CHST11: variants seen among roughly 807,000 people sequenced by gnomAD.
The protein encoded by CHST11 is C4S-1.
A neutral mutation model predicts 30.4 loss-of-function variants in CHST11; 9 were observed. That is an observed-to-expected ratio of 0.30 (90% CI 0.18 to 0.52). CHST11 has a LOEUF of 0.52. Among genes scored for constraint, CHST11 ranks in the 20% least tolerant of loss-of-function variants. The pLI is 0.97. For synonymous variants in CHST11, 152 were observed against 187.8 expected, an observed-to-expected ratio of 0.81 and a Z score of 1.56; for missense variants, 348 against 460.6, an observed-to-expected ratio of 0.76 and a Z score of 2.24.
chr12:104,694,716 C>G (rs1238680880), intron 2 of CHST11, among the ~76,000 whole-genome samples: 2 of 152,164 alleles, frequency 1.3e-5, no homozygotes, highest in African/African-American at 4.8e-5. Flanking sequence ...GATGGAAACT[C>G]TTTGAACTCC....
At chr12:104,582,965 A>G (rs1209738114) in intron 1 of CHST11, among the ~76,000 whole-genome samples, 1 of 151,960 alleles carries the variant, frequency 6.6e-6, no homozygotes, top group African/African-American at 2.4e-5. Context: ...ATAGCTTCAT[A>G]TCCTCTTGTA....
intron 2 of CHST11, among the ~76,000 whole-genome samples, chr12:104,609,970 A>G (rs2039042152): frequency 6.6e-6 from 1 of 150,932 alleles, no homozygotes; most frequent in African/African-American, 2.4e-5. Context: ...AACAATTTTG[A>G]TTTATTTGTT....
chr12:104,754,793 A>G (rs575165553), intron 2 of CHST11, among the ~76,000 whole-genome samples: 1 of 152,256 alleles, frequency 6.6e-6, no homozygotes, highest in South Asian at 2.1e-4. Context: ...TCACACATAG[A>G]CCTTGCAAAG....
At chr12:104,478,731 G>T (rs1449407096) in intron 1 of CHST11, among the ~76,000 whole-genome samples, 1 of 152,166 alleles carries the variant, frequency 6.6e-6, no homozygotes, top group African/African-American at 2.4e-5. Flanking sequence ...TCACTACCTT[G>T]AGGAAAACCG....
Position 104,561,883 on chromosome 12 carries a change from C to T in CHST11, c.119-40023C>T, listed in dbSNP as rs567582783. On this transcript the variant is annotated intron_variant, in intron 1 of 2. Transcript: ENST00000303694. Reference sequence around the variant, plus strand: ...TCGGCTCACTGCAACCTCTGCCTCCCGGATTCAAGCGATTCTCCTGCCTCA... The same window carrying T: ...TCGGCTCACTGCAACCTCTGCCTCCTGGATTCAAGCGATTCTCCTGCCTCA... Among the ~76,000 whole-genome samples the T allele has an allele frequency of 2.5e-4, 38 of 150,358 alleles. No homozygotes were observed. In the South Asian group the frequency reaches 3.8e-3, roughly 15 times the overall value.
At chr12:104,653,618 G>A (rs553658834) in intron 2 of CHST11, among the ~76,000 whole-genome samples, 31 of 152,302 alleles carry the variant, frequency 2.0e-4, no homozygotes, top group African/African-American at 7.0e-4. Flanking sequence ...TAATACAACA[G>A]CCCATGTTTA....
At chr12:104,628,404 T>G (rs1285422309) in intron 2 of CHST11, among the ~76,000 whole-genome samples, 3 of 152,188 alleles carry the variant, frequency 2.0e-5, no homozygotes, top group African/African-American at 7.2e-5. Context: ...AGATTTCTAT[T>G]TTAAGCTGTC....
intron 1 of CHST11, among the ~76,000 whole-genome samples, chr12:104,520,804 C>T (rs1265771808): frequency 6.6e-6 from 1 of 152,146 alleles, no homozygotes; most frequent in Non-Finnish European, 1.5e-5. Flanking sequence ...TGTATCTGCT[C>T]AGGAAGTCAG....
chr12:104,495,853 T>C (rs2037793673), intron 1 of CHST11, among the ~76,000 whole-genome samples: 1 of 152,194 alleles, frequency 6.6e-6, no homozygotes, highest in Admixed American at 6.5e-5. Flanking sequence ...CTTTTCCTAA[T>C]TGACTATGCT....
At chr12:104,509,249 A>G (rs1481265943) in intron 1 of CHST11, among the ~76,000 whole-genome samples, 5 of 152,160 alleles carry the variant, frequency 3.3e-5, no homozygotes, top group South Asian at 2.1e-4. Flanking sequence ...GCTGCCATCC[A>G]TGTAAGATGT....
At chr12:104,700,930 G>A (rs1442454517) in intron 2 of CHST11, among the ~76,000 whole-genome samples, 1 of 152,100 alleles carries the variant, frequency 6.6e-6, no homozygotes, top group Non-Finnish European at 1.5e-5. Context: ...CCAACATAGT[G>A]AAACCCTGTC....
chr12:104,722,015 G>A (rs1308116075), intron 2 of CHST11, among the ~76,000 whole-genome samples: 2 of 152,070 alleles, frequency 1.3e-5, no homozygotes, highest in African/African-American at 4.8e-5. Context: ...TTGAGACAGG[G>A]TCTTGCTCTG....
intron 1 of CHST11, among the ~76,000 whole-genome samples, chr12:104,507,729 T>C (rs2037920308): frequency 6.6e-6 from 1 of 152,170 alleles, no homozygotes; most frequent in African/African-American, 2.4e-5. Flanking sequence ...CCTGTATCTC[T>C]CTCATCCTCC....
intron 1 of CHST11, among the ~76,000 whole-genome samples, chr12:104,588,513 C>T (rs1423270803): frequency 2.0e-5 from 3 of 152,212 alleles, no homozygotes; most frequent in Non-Finnish European, 4.4e-5. Context: ...CACAGACTGG[C>T]TCATTCCAAT....
intron 1 of CHST11, among the ~76,000 whole-genome samples, chr12:104,477,949 A>T (rs2037579247): frequency 6.6e-6 from 1 of 152,174 alleles, no homozygotes; most frequent in East Asian, 1.9e-4. Flanking sequence ...TTTAGTGAGA[A>T]GGTCTAAGAG....
intron 1 of CHST11, among the ~76,000 whole-genome samples, chr12:104,586,346 G>A (rs1305125939): frequency 6.6e-6 from 1 of 152,200 alleles, no homozygotes; most frequent in African/African-American, 2.4e-5. Flanking sequence ...TGTGTGGCCG[G>A]GAGGGACTGG....
At chr12:104,607,527 G>T (rs2039017579) in intron 2 of CHST11, among the ~76,000 whole-genome samples, 1 of 152,146 alleles carries the variant, frequency 6.6e-6, no homozygotes, top group Admixed American at 6.5e-5. Context: ...TAGCCTCTGA[G>T]GGGCGGTGCG....
chr12:104,640,770 T>C (rs1009981863), intron 2 of CHST11, among the ~76,000 whole-genome samples: 3 of 152,166 alleles, frequency 2.0e-5, no homozygotes, highest in Non-Finnish European at 4.4e-5. Context: ...TCACAACATA[T>C]GTACCACACC....
chr12:104,749,832 C>T (rs926815266), intron 2 of CHST11, among the ~76,000 whole-genome samples: 1 of 152,232 alleles, frequency 6.6e-6, no homozygotes, highest in Non-Finnish European at 1.5e-5. Context: ...CAAAGAATTC[C>T]TCTCTTCCGT....
Sources: gnomAD v4.1 joint callset for allele counts (sites outside exome capture counted in the v4.1 genomes callset) on GRCh38, gnomAD v4.1.1 for gene constraint, MANE v1.5 for transcripts, NCBI Gene and HGNC (gene_info 2026-07-23, HGNC 2026-07-21) for gene names.